Variants in ZNF560 observed in about 807,000 individuals in gnomAD.
The protein encoded by ZNF560 is zinc finger protein 560.
ZNF560 carries 54 observed loss-of-function variants against 81.8 expected under a neutral mutation model. That is an observed-to-expected ratio of 0.66 (90% CI 0.53 to 0.83). ZNF560 has a LOEUF of 0.83. ZNF560 is among the 40% of genes least tolerant of loss of function. The pLI, the probability that ZNF560 is intolerant of heterozygous loss-of-function variation, is 0.00. For synonymous variants in ZNF560, 321 were observed against 317.9 expected (o/e 1.01, Z -0.10); for missense variants, 940 against 932.4 (o/e 1.01, Z -0.11).
downstream of ZNF560, among the ~76,000 whole-genome samples, chr19:9,463,003 T>C (rs1188773308): frequency 2.0e-5 from 3 of 152,220 alleles, no homozygotes; most frequent in South Asian, 2.1e-4. Context: ...TTAGTAATGA[T>C]GGAAAACATC....
Position 9,467,784 on chromosome 19 carries a change from G to C in ZNF560, c.1163C>G (p.Pro388Arg). The change falls in exon 10 of 10, where the codon CCG becomes CGG. Residue 388 changes from proline to arginine, a missense_variant. Transcript: ENST00000301480. ...CKHCGKTFTV[P>R]SGFLEHVRTH... is the part of the protein sequence containing the mutation. ...TCGTACATGTTCAAGAAAGCCTGACGGCACAGTGAAGGTTTTGCCACAGTG... is the reference window on the plus strand; with the variant it reads ...TCGTACATGTTCAAGAAAGCCTGACCGCACAGTGAAGGTTTTGCCACAGTG... 6.2e-7 allele frequency: 1 copy of C among 1,614,078 alleles called. No homozygotes were observed. Among genetic ancestry groups the C allele is most frequent in the Non-Finnish European group, 8.5e-7 (1 of 1,180,006 alleles).
intron 1 of ZNF560, 86 bp from the exon 2 acceptor site, chr19:9,498,301 C>A (rs1370669753): frequency 2.0e-5 from 3 of 152,192 alleles, no homozygotes; most frequent in Non-Finnish European, 2.9e-5. Context: ...CGGGAACACA[C>A]GGCTGAAAAC....
intron 9 of ZNF560, among the ~76,000 whole-genome samples, chr19:9,468,665 C>A (rs1373263650): frequency 1.3e-5 from 2 of 152,046 alleles, no homozygotes; most frequent in African/African-American, 4.8e-5. Context: ...AGATATTTCT[C>A]CCCTTGGGTG....
intron 9 of ZNF560, among the ~76,000 whole-genome samples, chr19:9,468,819 T>C (rs1001279901): frequency 6.8e-6 from 1 of 147,612 alleles, no homozygotes; most frequent in African/African-American, 2.5e-5. Flanking sequence ...AACCTCCACC[T>C]CCTGGGTTCA....
At chr19:9,448,746 A>G in the ZNF560 span, among the ~76,000 whole-genome samples, 1 of 152,190 alleles carries the variant, frequency 6.6e-6, no homozygotes, top group Non-Finnish European at 1.5e-5. Context: ...TAAAAGGGAC[A>G]GAGTGGCAAT....
chr19:9,502,160 G>C (rs568261124), upstream of ZNF560, among the ~76,000 whole-genome samples: 34 of 146,684 alleles, frequency 2.3e-4, no homozygotes, highest in Non-Finnish European at 4.5e-4. Flanking sequence ...TCTCAAAAAA[G>C]AAAAAAAGAA....
At position 9,469,217 on chromosome 19, in the gene ZNF560, A is replaced by G. The variant is rs375140265; in HGVS notation, c.530-30T>C. On this transcript the variant is annotated intron_variant, in intron 8 of 9. Transcript: ENST00000301480. ...AATAAAAGAGAAAAATATACATGAGAGTTTACACATGAAATGGTAGGTTAA... is the reference window on the plus strand; with the variant it reads ...AATAAAAGAGAAAAATATACATGAGGGTTTACACATGAAATGGTAGGTTAA... 16 of 1,479,202 alleles carry G rather than the reference A, an allele frequency of 1.1e-5. 1 individual carries two copies. The African/African-American group carries it at 2.1e-4, about 20-fold the overall frequency. The allele number at this position is 1,479,202 out of a possible 1,614,324, so 91.6% of individuals were successfully genotyped here.
chr19:9,488,437 G>T (rs541830386), intron 2 of ZNF560, among the ~76,000 whole-genome samples: 1 of 152,048 alleles, frequency 6.6e-6, no homozygotes, highest in Non-Finnish European at 1.5e-5. Context: ...TTTCTGAGGA[G>T]AAAGCCTTCT....
the ZNF560 span, among the ~76,000 whole-genome samples, chr19:9,505,341 C>T: frequency 2.0e-5 from 3 of 152,270 alleles, no homozygotes; most frequent in East Asian, 3.9e-4. Flanking sequence ...ATCCAATTAT[C>T]TTTTGGTTGC....
chr19:9,456,230 T>C, the ZNF560 span, among the ~76,000 whole-genome samples: 11 of 152,184 alleles, frequency 7.2e-5, no homozygotes, highest in Non-Finnish European at 1.6e-4. Flanking sequence ...GGAAAGCCAC[T>C]GCAGAAGGTA....
At chr19:9,475,913 G>T (rs1171453822) in intron 2 of ZNF560, among the ~76,000 whole-genome samples, 1 of 152,064 alleles carries the variant, frequency 6.6e-6, no homozygotes, top group East Asian at 1.9e-4. Context: ...GCCAGGTAAA[G>T]AAACTTAAGA....
the ZNF560 span, among the ~76,000 whole-genome samples, chr19:9,461,311 T>C: frequency 6.6e-6 from 1 of 152,198 alleles, no homozygotes; most frequent in Non-Finnish European, 1.5e-5. Context: ...GTGTGAACTC[T>C]TCCTTGTTTA....
chr19:9,484,404 T>C (rs1311419750), intron 2 of ZNF560, among the ~76,000 whole-genome samples: 5 of 152,006 alleles, frequency 3.3e-5, no homozygotes, highest in African/African-American at 1.2e-4. Flanking sequence ...ATGACCTGTG[T>C]CTGAATTGAA....
chr19:9,483,998 C>T (rs2144713547), intron 2 of ZNF560, among the ~76,000 whole-genome samples: 1 of 152,256 alleles, frequency 6.6e-6, no homozygotes, highest in African/African-American at 2.4e-5. Flanking sequence ...TTACCCCCAA[C>T]CCGGTGCTCT....
At chr19:9,478,200 T>C (rs2073232311) in intron 2 of ZNF560, among the ~76,000 whole-genome samples, 1 of 152,240 alleles carries the variant, frequency 6.6e-6, no homozygotes, top group Non-Finnish European at 1.5e-5. Context: ...AGCAGACCTG[T>C]CACCAAAGAC....
At chr19:9,461,723 A>C (rs2072934201), downstream of ZNF560, among the ~76,000 whole-genome samples, 1 of 152,232 alleles carries the variant, frequency 6.6e-6, no homozygotes, top group African/African-American at 2.4e-5. Flanking sequence ...ATGCGACTGG[A>C]ATACTTCTGA....
At chr19:9,494,389 T>C (rs1354875762) in intron 2 of ZNF560, among the ~76,000 whole-genome samples, 1 of 152,154 alleles carries the variant, frequency 6.6e-6, no homozygotes, top group African/African-American at 2.4e-5. Flanking sequence ...CTGCATTCCT[T>C]AAGCATTTAT....
upstream of ZNF560, among the ~76,000 whole-genome samples, chr19:9,500,540 T>C (rs1036390031): frequency 6.6e-6 from 1 of 152,104 alleles, no homozygotes; most frequent in African/African-American, 2.4e-5. Context: ...GTAAGTGCGT[T>C]TTGTCACGTT....
At chr19:9,499,489 A>G (rs2073613729), upstream of ZNF560, among the ~76,000 whole-genome samples, 1 of 152,062 alleles carries the variant, frequency 6.6e-6, no homozygotes, top group African/African-American at 2.4e-5. Flanking sequence ...ATCATGCACC[A>G]TGCCTGGCCT....
Sources: gnomAD v4.1 joint callset for allele counts (sites outside exome capture counted in the v4.1 genomes callset) on GRCh38, gnomAD v4.1.1 for gene constraint, MANE v1.5 for transcripts, NCBI Gene and HGNC (gene_info 2026-07-23, HGNC 2026-07-21) for gene names.